VPS54: variants seen among roughly 807,000 people sequenced by gnomAD.
The protein encoded by VPS54 is VPS54 subunit of GARP complex, also known as vacuolar protein sorting-associated protein 54.
In VPS54, 45 loss-of-function variants were observed where a neutral mutation model predicts 121.5. The observed-to-expected ratio is 0.37, with a 90% CI of 0.29 to 0.47. The LOEUF (loss-of-function observed/expected upper bound fraction) is 0.47, where lower values mean the gene tolerates loss of function less well. Among genes scored for constraint, VPS54 ranks in the 20% least tolerant of loss-of-function variants. The pLI is 0.99. For missense variants in VPS54, 1,090 were observed against 1,131.4 expected, an observed-to-expected ratio of 0.96 and a Z score of 0.52; for synonymous variants, 371 against 385.8, an observed-to-expected ratio of 0.96 and a Z score of 0.45.
chr2:63,991,336 G>A (rs1677306892), intron 1 of VPS54, among the ~76,000 whole-genome samples: 1 of 152,138 alleles, frequency 6.6e-6, no homozygotes, highest in Non-Finnish European at 1.5e-5. Context: ...TTGAAAATGT[G>A]AACCATGAGT....
intron 9 of VPS54, among the ~76,000 whole-genome samples, chr2:63,945,408 G>A (rs1256852521): frequency 6.6e-6 from 1 of 152,150 alleles, no homozygotes; most frequent in Non-Finnish European, 1.5e-5. Flanking sequence ...AGGGTGGGAG[G>A]AGAGAAATGA....
At chr2:63,924,099 T>C (rs146471895) in intron 12 of VPS54, among the ~76,000 whole-genome samples, 84 of 152,304 alleles carry the variant, frequency 5.5e-4, no homozygotes, top group African/African-American at 1.9e-3. Context: ...GTTCAATGTA[T>C]AAAGTGAGCC....
intron 12 of VPS54, among the ~76,000 whole-genome samples, chr2:63,931,418 T>C (rs987251965): frequency 2.0e-5 from 3 of 152,198 alleles, no homozygotes; most frequent in Non-Finnish European, 2.9e-5. Context: ...GATTCCCTAT[T>C]TGATAAATGG....
chr2:63,922,743 G>T (rs11125987), intron 12 of VPS54, among the ~76,000 whole-genome samples: 1 of 151,888 alleles, frequency 6.6e-6, no homozygotes, highest in African/African-American at 2.4e-5. Flanking sequence ...TTCAAAACAG[G>T]ATACCTGCAA....
At chr2:63,904,802 G>C (rs1335904013) in intron 20 of VPS54, among the ~76,000 whole-genome samples, 1 of 152,112 alleles carries the variant, frequency 6.6e-6, no homozygotes, top group Non-Finnish European at 1.5e-5. Flanking sequence ...GCCACATTCT[G>C]GGCCACAAAA....
chr2:63,938,059 G>GGT lies in VPS54; in HGVS notation c.1399-4048_1399-4047dup, dbSNP rs1553475195. 3.7e-3 allele frequency among the ~76,000 whole-genome samples: 524 copies of GGT among 140,470 alleles called. 6 individuals are homozygous for GGT. Among genetic ancestry groups the GGT allele is most frequent in the East Asian group, 0.035 (171 of 4,944 alleles). 92.2% of individuals were successfully genotyped at this position (140,470 alleles called of 152,430 possible). ...AAACGTGTGTGTGTGTGGTGTGTGT[G>GGT]GTGTGTGTGTGTGTGTGTGTGTGTG... On this transcript the variant is annotated intron_variant, in intron 11 of 22. Coordinates refer to ENST00000272322, the MANE Select transcript of VPS54 (RefSeq NM_016516.3).
intron 1 of VPS54, among the ~76,000 whole-genome samples, chr2:64,004,416 C>T (rs1678029859): frequency 6.6e-6 from 1 of 152,120 alleles, no homozygotes; most frequent in Non-Finnish European, 1.5e-5. Context: ...CTTAGCAACA[C>T]AAAGGGGAAA....
At chr2:63,900,473 A>T (rs1672634153) in intron 20 of VPS54, among the ~76,000 whole-genome samples, 1 of 152,192 alleles carries the variant, frequency 6.6e-6, no homozygotes, top group South Asian at 2.1e-4. Flanking sequence ...CTTTTAGCTT[A>T]TATTTTAGAA....
intron 4 of VPS54, among the ~76,000 whole-genome samples, chr2:63,969,918 C>CT (rs34819519): frequency 0.12 from 17,839 of 151,848 alleles, 1,208 homozygotes; most frequent in Middle Eastern, 0.14. Context: ...TCAAAGGTTG[C>CT]TTTTTTATAC....
intron 1 of VPS54, among the ~76,000 whole-genome samples, chr2:64,016,272 C>A (rs1210353716): frequency 1.3e-5 from 2 of 152,152 alleles, no homozygotes; most frequent in East Asian, 3.8e-4. Context: ...CTGAATACAA[C>A]CAAAAAGTGT....
At chr2:63,901,704 G>A (rs531319527) in intron 20 of VPS54, among the ~76,000 whole-genome samples, 1 of 152,240 alleles carries the variant, frequency 6.6e-6, no homozygotes, top group Admixed American at 6.5e-5. Flanking sequence ...GTCACGGTGT[G>A]AAGCCAGGAA....
intron 12 of VPS54, 94 bp from the exon 13 acceptor site, chr2:63,921,429 A>G (rs1673641497): frequency 4.3e-6 from 6 of 1,397,654 alleles, no homozygotes; most frequent in Non-Finnish European, 5.8e-6. Flanking sequence ...AAAAGCTGTA[A>G]AATTCACATT....
chr2:63,965,930 A>T lies in VPS54; in HGVS notation c.529T>A (p.Leu177Ile). ...MKPDFALDDS[L>I]TFNSVLPWSH... ...CATGGTAAAACTGAATTAAAAGTTA[A>T]GGAATCATCCAAGGCAAAATCTGGT... Residue 177 changes from leucine to isoleucine, a missense_variant, in exon 6 of 23, where the codon TTA becomes ATA. This residue lies in a region of VPS54 where 801 missense variants were observed against 757.0 expected (regional missense o/e 1.06). Coordinates refer to ENST00000272322, the MANE Select transcript of VPS54 (RefSeq NM_016516.3). The T allele has an allele frequency of 6.2e-7, 1 of 1,611,732 alleles. No homozygotes were observed. Among genetic ancestry groups the T allele is most frequent in the Non-Finnish European group, 8.5e-7 (1 of 1,179,450 alleles).
intron 21 of VPS54, among the ~76,000 whole-genome samples, chr2:63,897,960 A>G (rs1420374343): frequency 6.6e-6 from 1 of 152,232 alleles, no homozygotes; most frequent in African/African-American, 2.4e-5. Flanking sequence ...ATCTAGTGAA[A>G]TCACTTCAAA....
chr2:63,995,361 G>A (rs1029220576), intron 1 of VPS54, among the ~76,000 whole-genome samples: 7 of 152,222 alleles, frequency 4.6e-5, no homozygotes, highest in African/African-American at 1.4e-4. Flanking sequence ...TATAATGTTG[G>A]TTCGAGCTGG....
At position 64,018,747 on chromosome 2, in the gene VPS54, GAA is replaced by G. The variant is rs35913134; in HGVS notation, c.-21+189_-21+190del. On this transcript the variant is annotated intron_variant, in intron 1 of 22. Transcript: ENST00000272322. The stretch of plus-strand genomic sequence containing the variant: ...CCGATCCCGGAGGGAGAGTGAAAAG[GAA>G]AAAAAAAAAAAAAAAAGGAAGTGGC... Among the ~76,000 whole-genome samples the G allele has an allele frequency of 9.7e-3, 1,133 of 116,510 alleles. 7 individuals carry two copies. The highest frequency in any genetic ancestry group is 0.022 in the South Asian group (79 of 3,602). 76.4% of individuals were successfully genotyped at this position (116,510 alleles called of 152,430 possible).
chr2:63,913,658 C>G (rs575677787), intron 17 of VPS54, among the ~76,000 whole-genome samples: 7 of 152,138 alleles, frequency 4.6e-5, no homozygotes, highest in African/African-American at 1.4e-4. Context: ...AACATGACAA[C>G]TCAAGTCAGA....
intron 20 of VPS54, among the ~76,000 whole-genome samples, chr2:63,903,977 C>G (rs1672795681): frequency 6.6e-6 from 1 of 151,956 alleles, no homozygotes; most frequent in African/African-American, 2.4e-5. Context: ...AAAGCAAGAT[C>G]CAGCTTCATT....
At chr2:63,930,429 T>C (rs1186976095) in intron 12 of VPS54, among the ~76,000 whole-genome samples, 1 of 152,254 alleles carries the variant, frequency 6.6e-6, no homozygotes, top group East Asian at 1.9e-4. Flanking sequence ...ATTATCTCAA[T>C]AGATGCAGAA....
Sources: gnomAD v4.1 joint callset for allele counts (sites outside exome capture counted in the v4.1 genomes callset) on GRCh38, gnomAD v4.1.1 for gene constraint, gnomAD v4.1.1 regional missense constraint, MANE v1.5 for transcripts, NCBI Gene and HGNC (gene_info 2026-07-23, HGNC 2026-07-21) for gene names.